The following RAPGEF5 variants were observed in gnomAD, a reference collection of about 807,000 sequenced individuals.
RAPGEF5 encodes Rap guanine nucleotide exchange factor 5, also known as M-Ras-regulated GEF.
RAPGEF5 carries 65 observed loss-of-function variants against 125.2 expected under a neutral mutation model. The ratio of observed to expected loss-of-function variants is 0.52; its 90% CI spans 0.43 to 0.64. The LOEUF (loss-of-function observed/expected upper bound fraction) is 0.64, where lower values mean the gene tolerates loss of function less well. Among genes scored for constraint, RAPGEF5 ranks in the 30% least tolerant of loss-of-function variants. The pLI is 0.00. For missense variants in RAPGEF5, 958 were observed against 1,048.1 expected (o/e 0.91, Z 1.19); for synonymous variants, 391 against 385.9 (o/e 1.01, Z -0.16).
intron 11 of RAPGEF5, among the ~76,000 whole-genome samples, chr7:22,172,869 T>C (rs1457784286): frequency 6.6e-6 from 1 of 152,200 alleles, no homozygotes; most frequent in African/African-American, 2.4e-5. Context: ...ACTGCGATAA[T>C]GAAACCACTC....
intron 9 of RAPGEF5, among the ~76,000 whole-genome samples, chr7:22,219,600 A>T (rs1245575511): frequency 2.6e-5 from 4 of 152,020 alleles, no homozygotes; most frequent in Non-Finnish European, 4.4e-5. Flanking sequence ...TCATAAATAG[A>T]TAAGGATTCA....
chr7:22,342,195 C>A (rs1784143180), intron 1 of RAPGEF5, among the ~76,000 whole-genome samples: 1 of 152,248 alleles, frequency 6.6e-6, no homozygotes, highest in South Asian at 2.1e-4. Context: ...AGCTTCCACC[C>A]TCTGAAGCCA....
chr7:22,139,209 C>T (rs1267937624), intron 21 of RAPGEF5, among the ~76,000 whole-genome samples: 1 of 152,108 alleles, frequency 6.6e-6, no homozygotes. Flanking sequence ...GGAACTAAAT[C>T]TGAGAGGACT....
At chr7:22,254,532 C>T (rs867965044) in intron 7 of RAPGEF5, among the ~76,000 whole-genome samples, 16 of 147,596 alleles carry the variant, frequency 1.1e-4, no homozygotes, top group Middle Eastern at 3.5e-3. Flanking sequence ...CGCTTGAACT[C>T]AGGAGGCAGA....
intron 23 of RAPGEF5, 95 bp downstream of exon 23, chr7:22,135,943 A>T (rs1783065641): frequency 5.5e-6 from 5 of 910,830 alleles, no homozygotes; most frequent in Non-Finnish European, 8.2e-6. Context: ...AACTGTAAAG[A>T]GACAAAATGA....
intron 16 of RAPGEF5, among the ~76,000 whole-genome samples, chr7:22,155,034 C>T (rs1048298039): frequency 6.6e-6 from 1 of 152,160 alleles, no homozygotes; most frequent in Non-Finnish European, 1.5e-5. Context: ...ATAAATTTTT[C>T]CTTTACACTC....
At chr7:22,321,062 A>G (rs1478916548) in intron 1 of RAPGEF5, among the ~76,000 whole-genome samples, 2 of 152,218 alleles carry the variant, frequency 1.3e-5, no homozygotes, top group African/African-American at 2.4e-5. Context: ...CTTTCATGAA[A>G]GACATATATA....
chr7:22,191,065 G>C (rs1483846099), intron 11 of RAPGEF5, among the ~76,000 whole-genome samples: 1 of 151,998 alleles, frequency 6.6e-6, no homozygotes, highest in Non-Finnish European at 1.5e-5. Flanking sequence ...GCACACCCGG[G>C]CCTTTGATAA....
intron 8 of RAPGEF5, among the ~76,000 whole-genome samples, chr7:22,228,674 AT>A (rs11291130): frequency 0.59 from 84,913 of 144,022 alleles, 24,927 homozygotes; most frequent in East Asian, 0.8. Context: ...CGCCCAGCTA[AT>A]TTTTTTTTTT....
intron 25 of RAPGEF5, 43 bp downstream of exon 25, chr7:22,125,561 C>A: frequency 3.2e-6 from 5 of 1,549,852 alleles, no homozygotes; most frequent in Non-Finnish European, 4.5e-6. Context: ...TTGGTACCAA[C>A]GTAGAGTCAA....
rs773113888 is a variant in RAPGEF5, at chr7:22,150,417, G to A, written c.1874C>T (p.Ala625Val). 20 of 1,606,736 alleles carry A rather than the reference G, an allele frequency of 1.2e-5. No homozygotes were observed. The highest frequency in any genetic ancestry group is 8.1e-5 in the African/African-American group (6 of 74,220). The change falls in exon 18 of 26, where the codon GCG (alanine) becomes GTG (valine). Residue 625 changes from alanine (A) to valine (V), a missense_variant. Transcript: ENST00000665637. ...GCTGAAGGTCCTTACCAAAGTGTCC[G>A]CCAGGTCTTTCCGGTAGACATATAT... ...GRIYVYRKDL[A>V]DTLNPFAENE...
Position 22,165,772 on chromosome 7 carries a change from C to T in RAPGEF5, c.1283+1298G>A, listed in dbSNP as rs149324730. On this transcript the variant is annotated intron_variant, in intron 12 of 25. Transcript: ENST00000665637. Reference sequence around the variant, plus strand: ...GAAAATGCTGTAAAGTTGGGAGACACGTAACAATTATTTAACAGAGAAAGG... The same window carrying T: ...GAAAATGCTGTAAAGTTGGGAGACATGTAACAATTATTTAACAGAGAAAGG... Among the ~76,000 whole-genome samples the T allele has an allele frequency of 1.1e-3, 172 of 151,916 alleles. 2 individuals are homozygous for T. Among genetic ancestry groups the T allele is most frequent in the African/African-American group, 3.9e-3 (163 of 41,442 alleles).
chr7:22,141,203 T>C (rs1054541329), intron 20 of RAPGEF5, among the ~76,000 whole-genome samples: 2 of 152,220 alleles, frequency 1.3e-5, no homozygotes, highest in Non-Finnish European at 2.9e-5. Flanking sequence ...TATTCCTCTA[T>C]TGTGGATGAT....
chr7:22,269,180 CAAAAA>C (rs34791723), intron 6 of RAPGEF5, among the ~76,000 whole-genome samples: 1,229 of 73,880 alleles, frequency 0.017, 12 homozygotes, highest in South Asian at 0.1. Context: ...AAGTTTTTGA[CAAAAA>C]AAAAAAAAAA....
chr7:22,295,576 T>C (rs1001472617), intron 5 of RAPGEF5, among the ~76,000 whole-genome samples: 3 of 152,158 alleles, frequency 2.0e-5, no homozygotes, highest in African/African-American at 7.2e-5. Flanking sequence ...CTATAAACAA[T>C]GGAAATTTTG....
At position 22,176,283 on chromosome 7, in the gene RAPGEF5, G is replaced by A. The variant is rs535236585; in HGVS notation, c.1205-9135C>T. Among the ~76,000 whole-genome samples the A allele has an allele frequency of 1.2e-4, 18 of 152,230 alleles. 2 individuals are homozygous for A. The highest frequency in any genetic ancestry group is 3.3e-4 in the Admixed American group (5 of 15,284). ...GTCCCTCCCATGACATGCAGGAATT[G>A]TAGGAGCTACAATTCAAGATGAGAT... On this transcript the variant is annotated intron_variant, in intron 11 of 25. Transcript: ENST00000665637.
At chr7:22,290,372 G>A (rs1373585577) in intron 6 of RAPGEF5, among the ~76,000 whole-genome samples, 1 of 152,216 alleles carries the variant, frequency 6.6e-6, no homozygotes, top group Non-Finnish European at 1.5e-5. Flanking sequence ...AAGGCTTAGT[G>A]ACCACAGTCA....
intron 1 of RAPGEF5, among the ~76,000 whole-genome samples, chr7:22,329,350 A>C (rs1783871073): frequency 6.6e-6 from 1 of 152,114 alleles, no homozygotes; most frequent in Non-Finnish European, 1.5e-5. Flanking sequence ...AGTGTCCTCC[A>C]CTCCAAAAGT....
intron 7 of RAPGEF5, among the ~76,000 whole-genome samples, chr7:22,250,726 G>A (rs769922916): frequency 6.6e-6 from 1 of 152,084 alleles, no homozygotes; most frequent in Non-Finnish European, 1.5e-5. Flanking sequence ...AAAAAGTTTA[G>A]GAAGGAAAAT....
Sources: allele counts gnomAD v4.1 joint callset (sites outside exome capture counted in the v4.1 genomes callset), GRCh38; gene constraint gnomAD v4.1.1; transcripts MANE v1.5; gene names NCBI Gene and HGNC (gene_info 2026-07-23, HGNC 2026-07-21).